TSPAN18: variants seen among roughly 807,000 people sequenced by gnomAD.
TSPAN18 encodes the protein tetraspanin 18, also known as tetraspanin-18.
Under a neutral mutation model 27.3 loss-of-function variants are expected in TSPAN18, and 14 were observed. That is an observed-to-expected ratio of 0.51 (90% CI 0.34 to 0.80). The LOEUF (loss-of-function observed/expected upper bound fraction) is 0.80, where lower values mean the gene tolerates loss of function less well. TSPAN18 is among the 30% of genes least tolerant of loss of function. TSPAN18 has a pLI of 0.01. For synonymous variants in TSPAN18, 143 were observed against 136.5 expected (o/e 1.05, Z -0.33); for missense variants, 268 against 323.9 (o/e 0.83, Z 1.32).
intron 1 of TSPAN18, among the ~76,000 whole-genome samples, chr11:44,743,412 G>A (rs2134830649): frequency 6.6e-6 from 1 of 152,330 alleles, no homozygotes; most frequent in Admixed American, 6.5e-5. Context: ...AGGACATCAT[G>A]GATGCATTCC....
intron 2 of TSPAN18, among the ~76,000 whole-genome samples, chr11:44,777,619 CTGAGAG>C (rs1855842851): frequency 1.3e-5 from 2 of 152,162 alleles, no homozygotes; most frequent in Admixed American, 1.3e-4. Flanking sequence ...AATGGGAAGG[CTGAGAG>C]AAATTGCATG....
chr11:44,926,630 T>G (rs569458496), intron 8 of TSPAN18, 44 bp from the exon 9 acceptor site: 2 of 1,581,740 alleles, frequency 1.3e-6, no homozygotes, highest in Non-Finnish European at 1.7e-6. Context: ...ACTCCAGGAC[T>G]CTCAACCCTG....
chr11:44,779,480 C>T (rs1455595671), intron 2 of TSPAN18, among the ~76,000 whole-genome samples: 1 of 152,102 alleles, frequency 6.6e-6, no homozygotes, highest in Non-Finnish European at 1.5e-5. Flanking sequence ...GGATCAGTAG[C>T]GTCCTAGGCT....
intron 2 of TSPAN18, among the ~76,000 whole-genome samples, chr11:44,778,789 C>A (rs1386932064): frequency 6.6e-6 from 1 of 152,194 alleles, no homozygotes; most frequent in East Asian, 1.9e-4. Context: ...ACAGTCCTGG[C>A]AGTCTGTGGT....
chr11:44,917,961 T>A lies in TSPAN18; in HGVS notation c.259-11T>A, dbSNP rs1178569746. 5 of 1,614,024 alleles carry A rather than the reference T, an allele frequency of 3.1e-6. No individual in the cohort carries two copies. The East Asian group carries it at 1.1e-4, about 36-fold the overall frequency. The stretch of plus-strand genomic sequence containing the variant: ...CCCTCTGGGCTCACAAGGCTGTTCC[T>A]CTCCCTGCAGTTCTTCCTGTTCATC... On this transcript the variant is annotated splice_polypyrimidine_tract_variant and intron_variant, in intron 5 of 9. Transcript: ENST00000520358.
At chr11:44,807,213 AAAAAAAAAAAAAAAAAAAAAAAAG>A (rs1856613425) in intron 2 of TSPAN18, among the ~76,000 whole-genome samples, 3 of 52,726 alleles carry the variant, frequency 5.7e-5, no homozygotes, top group African/African-American at 1.2e-4. Flanking sequence ...AAAAAAAAAA[AAAAAAAAAAAAAAAAAAAAAAAAG>A]AAGGAAAGAG....
At position 44,914,446 on chromosome 11, in the gene TSPAN18, A is replaced by G. The variant is rs113855137; in HGVS notation, c.259-3526A>G. Among the ~76,000 whole-genome samples, 611 of 152,328 alleles carry G rather than the reference A, an allele frequency of 4.0e-3. 1 individual carries two copies. Among genetic ancestry groups the G allele is most frequent in the African/African-American group, 0.014 (583 of 41,570 alleles). ...ACTTCCTTCCCAGCCATAGTGTTGC[A>G]TTCATGATCCAGTGGGAAATGCATG... On this transcript the variant is annotated intron_variant, in intron 5 of 9. Transcript: ENST00000520358.
chr11:44,840,121 G>T (rs930333564), intron 2 of TSPAN18, among the ~76,000 whole-genome samples: 2 of 152,210 alleles, frequency 1.3e-5, no homozygotes, highest in African/African-American at 4.8e-5. Flanking sequence ...AACTCCTGAG[G>T]CCAGGGAACC....
chr11:44,808,069 G>A (rs977813793), intron 2 of TSPAN18, among the ~76,000 whole-genome samples: 1 of 152,194 alleles, frequency 6.6e-6, no homozygotes, highest in African/African-American at 2.4e-5. Context: ...AGCAGATATT[G>A]TTTTAGTAAT....
intron 4 of TSPAN18, among the ~76,000 whole-genome samples, chr11:44,908,831 A>AAAGAAAGAGAGAGAG: frequency 1.0e-5 from 1 of 96,160 alleles, no homozygotes; most frequent in African/African-American, 4.2e-5. Flanking sequence ...AAGAAAGAAA[A>AAAGAAAGAGAGAGAG]AGAAAAATGG....
intron 9 of TSPAN18, 94 bp from the exon 10 acceptor site, chr11:44,929,037 C>T (rs141927734): frequency 0.012 from 18,270 of 1,472,108 alleles, 149 homozygotes; most frequent in Non-Finnish European, 0.015. Context: ...CTAAGAGTGA[C>T]AGGCATTCAC....
At chr11:44,817,630 T>C (rs1856842251) in intron 2 of TSPAN18, among the ~76,000 whole-genome samples, 1 of 152,176 alleles carries the variant, frequency 6.6e-6, no homozygotes, top group Non-Finnish European at 1.5e-5. Flanking sequence ...TGACATCCCA[T>C]TGGTCAAAGT....
At chr11:44,919,783 G>C in intron 7 of TSPAN18, 34 bp from the exon 8 acceptor site, 2 of 1,610,342 alleles carry the variant, frequency 1.2e-6, no homozygotes, top group African/African-American at 2.7e-5. Context: ...TCCTCCTCCT[G>C]CCCACCAGAA....
chr11:44,900,665 A>G (rs1169793432), intron 3 of TSPAN18, among the ~76,000 whole-genome samples: 3 of 138,842 alleles, frequency 2.2e-5, no homozygotes, highest in Non-Finnish European at 4.6e-5. Flanking sequence ...TATTTTCCAT[A>G]CAACTTGAGG....
At chr11:44,841,508 T>A (rs1311199690) in intron 2 of TSPAN18, among the ~76,000 whole-genome samples, 5 of 93,670 alleles carry the variant, frequency 5.3e-5, no homozygotes, top group African/African-American at 1.5e-4. Context: ...AGCACGAAAT[T>A]CCATCTAAAA....
chr11:44,883,450 G>A (rs139655130), intron 3 of TSPAN18, among the ~76,000 whole-genome samples: 95 of 152,314 alleles, frequency 6.2e-4, no homozygotes, highest in African/African-American at 2.0e-3. Context: ...CTTCTTTTCC[G>A]TGTTTCATGC....
At chr11:44,882,587 G>GAGACACACACACACAC (rs1554997009) in intron 3 of TSPAN18, among the ~76,000 whole-genome samples, 3 of 130,770 alleles carry the variant, frequency 2.3e-5, no homozygotes, top group African/African-American at 9.0e-5. Flanking sequence ...CAGAGAGAGA[G>GAGACACACACACACAC]ACACACACAC....
chr11:44,874,451 C>G (rs1269915836), intron 3 of TSPAN18, among the ~76,000 whole-genome samples: 3 of 152,204 alleles, frequency 2.0e-5, no homozygotes, highest in Non-Finnish European at 4.4e-5. Context: ...CCCTCTAACA[C>G]TGTGAGATAG....
At chr11:44,769,275 A>G (rs1353116244) in intron 2 of TSPAN18, among the ~76,000 whole-genome samples, 4 of 152,152 alleles carry the variant, frequency 2.6e-5, no homozygotes, top group Non-Finnish European at 5.9e-5. Flanking sequence ...AAGTCCTTTA[A>G]TACATTCTTG....
Sources: allele counts gnomAD v4.1 joint callset (sites outside exome capture counted in the v4.1 genomes callset), GRCh38; gene constraint gnomAD v4.1.1; transcripts MANE v1.5; gene names NCBI Gene and HGNC (gene_info 2026-07-23, HGNC 2026-07-21).